The following MACROD2 variants were observed in gnomAD, a reference collection of about 807,000 sequenced individuals.
MACROD2 encodes the protein ADP-ribose glycohydrolase MACROD2.
In MACROD2, 36 loss-of-function variants were observed where a neutral mutation model predicts 70.4. That is an observed-to-expected ratio of 0.51 (90% CI 0.39 to 0.68). MACROD2 has a LOEUF of 0.68. Ranked by LOEUF, MACROD2 falls within the 30% of genes least tolerant of loss-of-function variation. MACROD2 has a pLI of 0.00. For synonymous variants in MACROD2, 172 were observed against 178.8 expected (o/e 0.96, Z 0.30); for missense variants, 496 against 538.4 (o/e 0.92, Z 0.78).
chr20:15,516,061 C>T (rs1015583243), intron 8 of MACROD2, among the ~76,000 whole-genome samples: 1 of 152,214 alleles, frequency 6.6e-6, no homozygotes, highest in African/African-American at 2.4e-5. Flanking sequence ...TTTGCTTTCT[C>T]TTTTCCTGCA....
chr20:14,691,014 C>G (rs1054698562), intron 5 of MACROD2, among the ~76,000 whole-genome samples: 2 of 152,132 alleles, frequency 1.3e-5, no homozygotes, highest in Non-Finnish European at 2.9e-5. Flanking sequence ...GCCTCCTGGG[C>G]TCAAGCGATT....
At chr20:15,883,892 G>A (rs999711889) in intron 9 of MACROD2, among the ~76,000 whole-genome samples, 8 of 152,118 alleles carry the variant, frequency 5.3e-5, no homozygotes, top group Admixed American at 1.3e-4. Flanking sequence ...TCTGGAGACC[G>A]ATGTTTGAAA....
chr20:15,658,287 C>T (rs1199088330), intron 8 of MACROD2, among the ~76,000 whole-genome samples: 7 of 148,658 alleles, frequency 4.7e-5, no homozygotes, highest in Admixed American at 2.7e-4. Flanking sequence ...TGGAGTGCTG[C>T]GGGAAACCTG....
intron 8 of MACROD2, among the ~76,000 whole-genome samples, chr20:15,544,960 C>T (rs1015247973): frequency 6.6e-6 from 1 of 152,162 alleles, no homozygotes; most frequent in Non-Finnish European, 1.5e-5. Flanking sequence ...GCCCTGAGTA[C>T]TTTGGGAGCT....
At chr20:15,098,845 G>A (rs540901161) in intron 5 of MACROD2, among the ~76,000 whole-genome samples, 39 of 152,352 alleles carry the variant, frequency 2.6e-4, no homozygotes, top group Non-Finnish European at 4.4e-4. Context: ...AGAGGGAACA[G>A]CATGAGCCAA....
At chr20:15,636,640 G>A (rs1003895093) in intron 8 of MACROD2, among the ~76,000 whole-genome samples, 14 of 152,054 alleles carry the variant, frequency 9.2e-5, no homozygotes, top group African/African-American at 2.9e-4. Flanking sequence ...TCAGGATTTC[G>A]TGGCCAGTGT....
intron 8 of MACROD2, among the ~76,000 whole-genome samples, chr20:15,680,232 G>T (rs1257429192): frequency 2.0e-5 from 3 of 152,142 alleles, no homozygotes; most frequent in African/African-American, 7.2e-5. Flanking sequence ...TTGACCAAAA[G>T]GGAAAAATTA....
In MACROD2 at chr20:14,422,133, AC is replaced by A. The variant is rs781624516; in HGVS notation, c.272-71343del. The stretch of plus-strand genomic sequence containing the variant: ...ATTGTTATATATTTTTGATGAATTG[AC>A]CCTTTTATCAGTATATAATGTGTGT... On this transcript the variant is annotated intron_variant, in intron 3 of 17. Coordinates refer to ENST00000684519, the MANE Select transcript of MACROD2 (RefSeq NM_001351661.2). Among the ~76,000 whole-genome samples the A allele has an allele frequency of 4.8e-4, 73 of 152,016 alleles. 1 individual carries two copies. Among genetic ancestry groups the A allele is most frequent in the Non-Finnish European group, 1.0e-4 (7 of 67,938 alleles).
intron 10 of MACROD2, 56 bp from the exon 11 acceptor site, chr20:15,933,220 A>G (rs2065605835): frequency 8.5e-6 from 13 of 1,538,092 alleles, no homozygotes; most frequent in Non-Finnish European, 1.1e-5. Context: ...AGCCGTAAAG[A>G]GATATTTCAC....
At chr20:14,085,759 G>A (rs999909037) in intron 3 of MACROD2, 31 bp downstream of exon 3, 3 of 1,255,458 alleles carry the variant, frequency 2.4e-6, no homozygotes, top group African/African-American at 3.1e-5. Flanking sequence ...TGATGTGTTT[G>A]TTATGTAAGT....
At chr20:15,836,628 G>T (rs2064117063) in intron 8 of MACROD2, among the ~76,000 whole-genome samples, 1 of 152,158 alleles carries the variant, frequency 6.6e-6, no homozygotes, top group South Asian at 2.1e-4. Flanking sequence ...TCACAGAGCT[G>T]CTTTTATTCA....
intron 2 of MACROD2, among the ~76,000 whole-genome samples, chr20:14,019,324 T>C (rs2053037408): frequency 6.6e-6 from 1 of 152,170 alleles, no homozygotes; most frequent in Non-Finnish European, 1.5e-5. Context: ...CAGGTTGGAG[T>C]GCCGTGGCGC....
chr20:14,342,306 A>G (rs2083021598), intron 3 of MACROD2, among the ~76,000 whole-genome samples: 1 of 152,202 alleles, frequency 6.6e-6, no homozygotes, highest in Non-Finnish European at 1.5e-5. Flanking sequence ...ACTTGGGCAT[A>G]TTTTATACAT....
intron 10 of MACROD2, chr20:15,894,040 G>A: frequency 2.4e-6 from 1 of 419,332 alleles, no homozygotes; most frequent in Non-Finnish European, 4.8e-6. Flanking sequence ...AAGTAGTTTG[G>A]CAAGAAAGTG....
chr20:15,586,514 G>A (rs1394998415), intron 8 of MACROD2, among the ~76,000 whole-genome samples: 4 of 152,202 alleles, frequency 2.6e-5, no homozygotes, highest in African/African-American at 7.2e-5. Flanking sequence ...ACAATAGATG[G>A]ATTCTTTCTT....
chr20:15,120,389 G>A lies in MACROD2; in HGVS notation c.419-109551G>A, dbSNP rs558293545. On this transcript the variant is annotated intron_variant, in intron 5 of 17. Coordinates refer to ENST00000684519, the MANE Select transcript of MACROD2 (RefSeq NM_001351661.2). The stretch of plus-strand genomic sequence containing the variant: ...ATTGTGAACTTTATCTCAGACTGCA[G>A]TGAGGAAAACCAACAGACTGAACAA... Among the ~76,000 whole-genome samples, 5 of 152,238 alleles carry A rather than the reference G, an allele frequency of 3.3e-5. No individual in the cohort carries two copies. The South Asian group carries it at 1.0e-3, about 32-fold the overall frequency.
intron 6 of MACROD2, among the ~76,000 whole-genome samples, chr20:15,336,160 T>C (rs577115129): frequency 6.6e-6 from 1 of 151,634 alleles, no homozygotes; most frequent in Non-Finnish European, 1.5e-5. Context: ...TAAAATTAAA[T>C]GTTAATCTCA....
intron 10 of MACROD2, 22 bp downstream of exon 10, chr20:15,885,833 T>C (rs2064815223): frequency 6.7e-7 from 1 of 1,499,338 alleles, no homozygotes. Context: ...ATACTTTTAT[T>C]ATTAGGGGGT....
At chr20:14,873,554 A>G (rs1448860282) in intron 5 of MACROD2, among the ~76,000 whole-genome samples, 1 of 152,126 alleles carries the variant, frequency 6.6e-6, no homozygotes, top group African/African-American at 2.4e-5. Context: ...ATGTAAATAA[A>G]TCAGTTGTTT....
Sources: gnomAD v4.1 joint callset for allele counts (sites outside exome capture counted in the v4.1 genomes callset) on GRCh38, gnomAD v4.1.1 for gene constraint, MANE v1.5 for transcripts, NCBI Gene and HGNC (gene_info 2026-07-23, HGNC 2026-07-21) for gene names.